MEIS2: variants seen among roughly 807,000 people sequenced by gnomAD.
The protein encoded by MEIS2 is Meis homeobox 2, also known as homeobox protein Meis2.
MEIS2 carries 9 observed loss-of-function variants against 58.6 expected under a neutral mutation model. The ratio of observed to expected loss-of-function variants is 0.15; its 90% CI spans 0.09 to 0.27. The LOEUF (loss-of-function observed/expected upper bound fraction) is 0.27, where lower values mean the gene tolerates loss of function less well. Ranked by LOEUF, MEIS2 falls within the 10% of genes least tolerant of loss-of-function variation. The pLI is 1.00. For missense variants in MEIS2, 427 were observed against 635.0 expected, an observed-to-expected ratio of 0.67 and a Z score of 3.52; for synonymous variants, 221 against 228.4, an observed-to-expected ratio of 0.97 and a Z score of 0.29.
chr15:36,939,183 C>T (rs753174730), intron 9 of MEIS2, among the ~76,000 whole-genome samples: 4 of 152,158 alleles, frequency 2.6e-5, no homozygotes, highest in Non-Finnish European at 4.4e-5. Flanking sequence ...TACCCTCTCA[C>T]CTCAATAACT....
chr15:36,975,534 A>C (rs2059715407), intron 8 of MEIS2, among the ~76,000 whole-genome samples: 1 of 70,102 alleles, frequency 1.4e-5, no homozygotes, highest in South Asian at 6.7e-4. Context: ...AGCGCTCCTC[A>C]CATACACCTG....
rs543591949 is a variant in MEIS2 at position 37,048,834 on chromosome 15, TAG to T, written c.755-11877_755-11876del. 1.6e-3 allele frequency among the ~76,000 whole-genome samples: 238 copies of T among 152,254 alleles called. 1 individual carries two copies. Among genetic ancestry groups the T allele is most frequent in the African/African-American group, 5.4e-3 (223 of 41,562 alleles). On this transcript the variant is annotated intron_variant, in intron 7 of 11. Coordinates refer to ENST00000561208, the MANE Select transcript of MEIS2 (RefSeq NM_170675.5). ...AGTTACCTATAGAAAAAATGAACAATAGTATTATGGAGTTGATGACTGGTTTT... is the reference window on the plus strand; with the variant it reads ...AGTTACCTATAGAAAAAATGAACAATTATTATGGAGTTGATGACTGGTTTT...
At chr15:37,018,071 A>G (rs560855138) in intron 8 of MEIS2, among the ~76,000 whole-genome samples, 4 of 152,240 alleles carry the variant, frequency 2.6e-5, no homozygotes, top group Non-Finnish European at 4.4e-5. Flanking sequence ...CATTATCCCT[A>G]TTTTACAAAG....
chr15:37,057,981 C>T (rs1888668116), intron 7 of MEIS2, among the ~76,000 whole-genome samples: 1 of 152,172 alleles, frequency 6.6e-6, no homozygotes, highest in South Asian at 2.1e-4. Context: ...CATGGTGCTT[C>T]TTTTCAAAGG....
chr15:36,970,933 A>G (rs1193258296), intron 8 of MEIS2, among the ~76,000 whole-genome samples: 2 of 152,176 alleles, frequency 1.3e-5, no homozygotes, highest in East Asian at 3.8e-4. Flanking sequence ...AATTAAATTA[A>G]TTAGTAATAT....
chr15:36,918,824 G>A (rs1278029814), intron 9 of MEIS2, among the ~76,000 whole-genome samples: 9 of 152,182 alleles, frequency 5.9e-5, no homozygotes, highest in Admixed American at 5.9e-4. Flanking sequence ...CTAGTCATAA[G>A]CTTAGTAGAA....
chr15:37,094,079 C>T, intron 5 of MEIS2: 1 of 256,838 alleles, frequency 3.9e-6, no homozygotes, highest in Non-Finnish European at 7.0e-6. Flanking sequence ...CTGGGGAGAG[C>T]ATTAACGTTT....
intron 1 of MEIS2, chr15:37,098,426 A>AGAC: frequency 2.1e-6 from 2 of 959,868 alleles, no homozygotes; most frequent in Non-Finnish European, 2.6e-6. Context: ...GAGAGAGAGA[A>AGAC]AATAAAAATA....
intron 8 of MEIS2, among the ~76,000 whole-genome samples, chr15:37,011,097 A>G (rs2061134972): frequency 6.6e-6 from 1 of 152,258 alleles, no homozygotes; most frequent in South Asian, 2.1e-4. Context: ...CATGTAGTCT[A>G]TAGACCGTCC....
At chr15:36,983,269 T>C (rs2059988229) in intron 8 of MEIS2, among the ~76,000 whole-genome samples, 1 of 152,194 alleles carries the variant, frequency 6.6e-6, no homozygotes, top group Admixed American at 6.5e-5. Context: ...TCTAGTAGTT[T>C]TACAGTTTCA....
chr15:36,895,912 C>T (rs2056150008), intron 10 of MEIS2, among the ~76,000 whole-genome samples: 2 of 152,174 alleles, frequency 1.3e-5, no homozygotes, highest in Admixed American at 1.3e-4. Flanking sequence ...TTGTTAGTGG[C>T]AGCAGTCATC....
intron 9 of MEIS2, among the ~76,000 whole-genome samples, chr15:36,917,008 C>G (rs77677879): frequency 0.16 from 23,988 of 152,108 alleles, 2,052 homozygotes; most frequent in East Asian, 0.3. Context: ...CACACATATG[C>G]GCACACACAC....
In MEIS2 at chr15:36,890,487, A is replaced by G. The variant is rs1005414573; in HGVS notation, c.*1686T>C. 1 of 152,216 alleles carries G rather than the reference A, an allele frequency of 6.6e-6. No individual in the cohort carries two copies. The highest frequency in any genetic ancestry group is 1.5e-5 in the Non-Finnish European group (1 of 68,026). The allele number at this position is 152,216 out of a possible 1,614,324, so 9.4% of individuals were successfully genotyped here. A position where few individuals can be genotyped will look rare whatever the true frequency, so the allele number is the denominator to read the frequency against. ...ATAAAAATATACCACAATATAATTT[A>G]TAAAATATTAATGATTAAGTAATCT... On this transcript the variant is annotated 3_prime_UTR_variant, in exon 12 of 12. Coordinates refer to ENST00000561208, the MANE Select transcript of MEIS2 (RefSeq NM_170675.5).
At chr15:37,018,005 C>T (rs539970674) in intron 8 of MEIS2, among the ~76,000 whole-genome samples, 11 of 152,158 alleles carry the variant, frequency 7.2e-5, no homozygotes, top group African/African-American at 1.9e-4. Flanking sequence ...GTGGTAAGTG[C>T]CTGGCCCATC....
intron 7 of MEIS2, among the ~76,000 whole-genome samples, chr15:37,078,167 C>T (rs1281485295): frequency 6.6e-6 from 1 of 151,926 alleles, no homozygotes; most frequent in Admixed American, 6.6e-5. Flanking sequence ...ACGGCTGACT[C>T]GTACCTGACA....
In MEIS2 at chr15:36,953,911, C is replaced by G. The variant is rs111548962; in HGVS notation, c.901-3511G>C. Among the ~76,000 whole-genome samples the G allele has an allele frequency of 6.5e-3, 995 of 152,276 alleles. 7 individuals are homozygous for G. The highest frequency in any genetic ancestry group is 0.019 in the African/African-American group (792 of 41,560). On this transcript the variant is annotated intron_variant, in intron 8 of 11. Transcript: ENST00000561208. ...GATCTACAATATCCTTGGAATACAT[C>G]ACTGGGACTTTTTATGGGTGAACCA...
intron 8 of MEIS2, 37 bp downstream of exon 8, chr15:37,036,777 A>T: frequency 6.3e-7 from 1 of 1,599,808 alleles, no homozygotes; most frequent in South Asian, 1.1e-5. Flanking sequence ...GCAAAACAAC[A>T]AAAACTATTT....
chr15:37,032,224 G>T (rs2061958537), intron 8 of MEIS2, among the ~76,000 whole-genome samples: 1 of 152,136 alleles, frequency 6.6e-6, no homozygotes, highest in African/African-American at 2.4e-5. Context: ...CCAGAAACTG[G>T]TATGAGCAAG....
At chr15:37,076,887 C>T (rs983164355) in intron 7 of MEIS2, among the ~76,000 whole-genome samples, 6 of 152,012 alleles carry the variant, frequency 3.9e-5, no homozygotes, top group African/African-American at 9.7e-5. Context: ...ATATATATTT[C>T]ATTCCAAGAT....
Sources: gnomAD v4.1 joint callset for allele counts (sites outside exome capture counted in the v4.1 genomes callset) on GRCh38, gnomAD v4.1.1 for gene constraint, MANE v1.5 for transcripts, NCBI Gene and HGNC (gene_info 2026-07-23, HGNC 2026-07-21) for gene names.